COL4A2: variants seen among roughly 807,000 people sequenced by gnomAD.
COL4A2 encodes the protein collagen alpha-2(IV) chain.
COL4A2 carries 99 observed loss-of-function variants against 200.2 expected under a neutral mutation model. The ratio of observed to expected loss-of-function variants is 0.49; its 90% CI spans 0.42 to 0.58. The LOEUF is 0.58. COL4A2 is among the 20% of genes least tolerant of loss of function. The probability of loss-of-function intolerance (pLI) is 0.00; values close to 1 mark genes in which losing one functional copy is unlikely to be tolerated. For synonymous variants in COL4A2, 897 were observed against 900.6 expected (o/e 1.00, Z 0.07); for missense variants, 1,950 against 2,314.1 (o/e 0.84, Z 3.23).
chr13:110,311,956 C>T (rs985516717), intron 3 of COL4A2, among the ~76,000 whole-genome samples: 4 of 152,250 alleles, frequency 2.6e-5, no homozygotes, highest in African/African-American at 9.6e-5. Flanking sequence ...CCCTGCCCTC[C>T]AGGCCGGCAG....
chr13:110,450,277 G>A (rs376912550), intron 19 of COL4A2, 28 bp from the exon 20 acceptor site: 20 of 1,603,668 alleles, frequency 1.2e-5, no homozygotes, highest in South Asian at 2.2e-5. Flanking sequence ...GGAGACTCAC[G>A]CTGCAGGTGA....
intron 3 of COL4A2, among the ~76,000 whole-genome samples, chr13:110,340,277 C>T (rs543388874): frequency 4.6e-5 from 7 of 152,232 alleles, no homozygotes; most frequent in East Asian, 3.9e-4. Context: ...CCACCACACC[C>T]GGCTAATTTT....
chr13:110,406,383 G>A lies in COL4A2; in HGVS notation c.181-18351G>A, dbSNP rs544612066. On this transcript the variant is annotated intron_variant, in intron 4 of 47. Coordinates refer to ENST00000360467, the MANE Select transcript of COL4A2 (RefSeq NM_001846.4). Reference sequence around the variant, plus strand: ...CTGGAAATACTCATCAGGGTTCACAGGCTGTCTGGTCTTAAGGAAGTGACA... The same window carrying A: ...CTGGAAATACTCATCAGGGTTCACAAGCTGTCTGGTCTTAAGGAAGTGACA... 2.6e-5 allele frequency among the ~76,000 whole-genome samples: 4 copies of A among 152,298 alleles called. No individual in the cohort carries two copies. The East Asian group carries it at 5.8e-4, about 22-fold the overall frequency.
At chr13:110,419,665 A>T (rs75678915) in intron 4 of COL4A2, among the ~76,000 whole-genome samples, 2,900 of 152,198 alleles carry the variant, frequency 0.019, 66 homozygotes, top group African/African-American at 0.054. Context: ...TCAAGTCTGG[A>T]TTTGTTGCCT....
intron 27 of COL4A2, chr13:110,468,252 A>G: frequency 2.1e-6 from 1 of 471,594 alleles, no homozygotes; most frequent in South Asian, 1.5e-5. Context: ...AGCAGAGGTA[A>G]AGGCTCCTTG....
intron 46 of COL4A2, among the ~76,000 whole-genome samples, chr13:110,507,199 G>C (rs566843715): frequency 2.0e-5 from 3 of 152,296 alleles, no homozygotes; most frequent in African/African-American, 7.2e-5. Context: ...CTGCCTCCTC[G>C]GTGCAGGTTA....
chr13:110,355,744 T>TG (rs373286996), intron 3 of COL4A2, among the ~76,000 whole-genome samples: 9 of 6,918 alleles, frequency 1.3e-3, no homozygotes, highest in African/African-American at 2.2e-3. Context: ...CCTGTGTGTG[T>TG]GGGGGAGGGC....
At chr13:110,368,869 C>T (rs1379029880) in intron 4 of COL4A2, among the ~76,000 whole-genome samples, 2 of 145,306 alleles carry the variant, frequency 1.4e-5, no homozygotes, top group African/African-American at 5.1e-5. Context: ...GGGTTGAGCT[C>T]AATAATAGCA....
intron 4 of COL4A2, among the ~76,000 whole-genome samples, chr13:110,381,714 G>C (rs1199400486): frequency 6.6e-6 from 1 of 152,094 alleles, no homozygotes; most frequent in African/African-American, 2.4e-5. Context: ...ACGCAGTCTG[G>C]GATTGAATCT....
At chr13:110,374,723 T>C (rs1158333707) in intron 4 of COL4A2, among the ~76,000 whole-genome samples, 1 of 152,170 alleles carries the variant, frequency 6.6e-6, no homozygotes, top group Non-Finnish European at 1.5e-5. Flanking sequence ...TCCATCCTAG[T>C]TACCCCTCTC....
At chr13:110,357,995 C>T (rs1877360986) in intron 4 of COL4A2, among the ~76,000 whole-genome samples, 1 of 152,144 alleles carries the variant, frequency 6.6e-6, no homozygotes, top group Non-Finnish European at 1.5e-5. Flanking sequence ...TCTTAGGCGG[C>T]CCTAAACTTA....
At chr13:110,502,887 G>A (rs756326754) in intron 41 of COL4A2, 24 of 462,074 alleles carry the variant, frequency 5.2e-5, no homozygotes, top group Middle Eastern at 5.7e-4. Context: ...GGAGCTGGTC[G>A]GCGGTGAAGG....
At chr13:110,310,822 T>C (rs1232261045) in intron 3 of COL4A2, among the ~76,000 whole-genome samples, 1 of 152,234 alleles carries the variant, frequency 6.6e-6, no homozygotes, top group Non-Finnish European at 1.5e-5. Flanking sequence ...TCTGTACTAA[T>C]GCTTCTAATC....
chr13:110,398,990 A>G (rs1879279097), intron 4 of COL4A2, among the ~76,000 whole-genome samples: 2 of 152,204 alleles, frequency 1.3e-5, no homozygotes, highest in South Asian at 4.1e-4. Flanking sequence ...GCCGGTTTTT[A>G]GTTGTAAGAA....
At chr13:110,380,131 C>T (rs1022113735) in intron 4 of COL4A2, among the ~76,000 whole-genome samples, 1 of 152,214 alleles carries the variant, frequency 6.6e-6, no homozygotes, top group Non-Finnish European at 1.5e-5. Flanking sequence ...AAAGAAACTT[C>T]ACCAAAGAGC....
At chr13:110,311,849 G>A (rs547761653) in intron 3 of COL4A2, among the ~76,000 whole-genome samples, 3 of 152,228 alleles carry the variant, frequency 2.0e-5, no homozygotes, top group East Asian at 3.9e-4. Flanking sequence ...TCAGTGCGGG[G>A]CCCCTGCCTG....
At chr13:110,324,973 T>A (rs1329333692) in intron 3 of COL4A2, among the ~76,000 whole-genome samples, 5 of 152,226 alleles carry the variant, frequency 3.3e-5, no homozygotes, top group Non-Finnish European at 5.9e-5. Flanking sequence ...CGTGTGGGAC[T>A]GAGCCTTCCA....
At chr13:110,420,576 G>C (rs936755670) in intron 4 of COL4A2, among the ~76,000 whole-genome samples, 1 of 152,184 alleles carries the variant, frequency 6.6e-6, no homozygotes, top group South Asian at 2.1e-4. Flanking sequence ...ATTTAAACTA[G>C]ACTCTTTTCA....
chr13:110,450,098 A>G (rs1881481283), intron 19 of COL4A2, among the ~76,000 whole-genome samples: 1 of 152,160 alleles, frequency 6.6e-6, no homozygotes, highest in Non-Finnish European at 1.5e-5. Context: ...GATCACAACT[A>G]TCAAGCCATT....
Sources: gnomAD v4.1 joint callset for allele counts (sites outside exome capture counted in the v4.1 genomes callset) on GRCh38, gnomAD v4.1.1 for gene constraint, MANE v1.5 for transcripts, NCBI Gene and HGNC (gene_info 2026-07-23, HGNC 2026-07-21) for gene names.